The following KIF15 variants were observed in gnomAD, a reference collection of about 807,000 sequenced individuals.
KIF15 encodes the protein kinesin-like protein KIF15.
A neutral mutation model predicts 190.6 loss-of-function variants in KIF15; 140 were observed. That is an observed-to-expected ratio of 0.73 (90% CI 0.64 to 0.84). The LOEUF (loss-of-function observed/expected upper bound fraction) is 0.84, where lower values mean the gene tolerates loss of function less well. Among genes scored for constraint, KIF15 ranks in the 40% least tolerant of loss-of-function variants. The probability of loss-of-function intolerance (pLI) is 0.00; values close to 1 mark genes in which losing one functional copy is unlikely to be tolerated. For missense variants in KIF15, 1,372 were observed against 1,584.4 expected (o/e 0.87, Z 2.28); for synonymous variants, 528 against 551.3 (o/e 0.96, Z 0.59).
chr3:44,762,811 A>G (rs1361803708), intron 1 of KIF15, among the ~76,000 whole-genome samples: 1 of 152,204 alleles, frequency 6.6e-6, no homozygotes, highest in Non-Finnish European at 1.5e-5. Flanking sequence ...CTTTTTGCAT[A>G]TAAAATATTC....
At chr3:44,804,826 A>C (rs1186413549) in intron 14 of KIF15, among the ~76,000 whole-genome samples, 1 of 152,098 alleles carries the variant, frequency 6.6e-6, no homozygotes, top group African/African-American at 2.4e-5. Context: ...TGAAGTTGTA[A>C]AGCTAGGCAT....
intron 32 of KIF15, among the ~76,000 whole-genome samples, chr3:44,848,798 G>A (rs77551402): frequency 0.019 from 2,830 of 152,226 alleles, 76 homozygotes; most frequent in African/African-American, 0.063. Context: ...TTGAGGAATC[G>A]ATGGGGCTTT....
chr3:44,769,053 G>A (rs1475989103), intron 1 of KIF15, among the ~76,000 whole-genome samples: 1 of 152,120 alleles, frequency 6.6e-6, no homozygotes, highest in Non-Finnish European at 1.5e-5. Flanking sequence ...AGTCTTCGAG[G>A]TTCCCTTCCC....
chr3:44,816,520 T>C (rs567578340), intron 20 of KIF15, among the ~76,000 whole-genome samples: 4 of 152,244 alleles, frequency 2.6e-5, no homozygotes, highest in African/African-American at 9.6e-5. Flanking sequence ...GATAGTTTGC[T>C]GAGAATGATG....
intron 7 of KIF15, among the ~76,000 whole-genome samples, chr3:44,790,442 A>G (rs1324879638): frequency 1.3e-5 from 2 of 152,140 alleles, no homozygotes; most frequent in Non-Finnish European, 2.9e-5. Context: ...TATTTTCTCA[A>G]GTTCACAACA....
intron 6 of KIF15, among the ~76,000 whole-genome samples, chr3:44,859,658 C>T (rs2125737205): frequency 6.6e-6 from 1 of 152,128 alleles, no homozygotes; most frequent in Non-Finnish European, 1.5e-5. Flanking sequence ...GACCCTGTCT[C>T]AAAAAATACA....
chr3:44,805,882 T>C lies in KIF15; in HGVS notation c.1867T>C (p.Leu623=). The C allele has an allele frequency of 6.2e-7, 1 of 1,614,134 alleles. No individual in the cohort carries two copies. The highest frequency in any genetic ancestry group is 8.5e-7 in the Non-Finnish European group (1 of 1,180,008). ...AGAATTGGAATCAGAGCTTCAGTCT[T>C]TGCAAAAAGCGAACCTTAATCTTGA... The part of the protein sequence containing the change: ...QLELESELQS[L]QKANLNLENL... Residue 623 remains leucine (L), a synonymous_variant, in exon 16 of 35, where the codon TTG becomes CTG. Transcript: ENST00000326047.
At chr3:44,794,459 G>A in intron 8 of KIF15, 33 bp downstream of exon 8, 1 of 1,506,164 alleles carries the variant, frequency 6.6e-7, no homozygotes, top group Non-Finnish European at 9.0e-7. Context: ...CAACTTGTGT[G>A]TGAGTTCTTA....
intron 20 of KIF15, among the ~76,000 whole-genome samples, chr3:44,816,992 T>G (rs1414860248): frequency 6.6e-6 from 1 of 152,236 alleles, no homozygotes; most frequent in Non-Finnish European, 1.5e-5. Flanking sequence ...TGACCAGTGA[T>G]GATGAGCATT....
At chr3:44,802,060 T>C in intron 13 of KIF15, 86 bp downstream of exon 13, 1 of 889,262 alleles carries the variant, frequency 1.1e-6, no homozygotes, top group Non-Finnish European at 1.7e-6. Context: ...TGTTCTTTAA[T>C]ACAATGGAAA....
intron 14 of KIF15, among the ~76,000 whole-genome samples, chr3:44,803,875 G>A (rs1707380659): frequency 6.6e-6 from 1 of 151,844 alleles, no homozygotes. Flanking sequence ...TTTTTGAGAT[G>A]GAGTCTCACT....
intron 5 of KIF15, among the ~76,000 whole-genome samples, chr3:44,781,928 T>G (rs2125912331): frequency 6.6e-6 from 1 of 152,360 alleles, no homozygotes; most frequent in African/African-American, 2.4e-5. Context: ...GTTAGCCTTT[T>G]GTCCATGATA....
At chr3:44,821,241 T>A (rs1263400744) in intron 20 of KIF15, among the ~76,000 whole-genome samples, 1 of 132,512 alleles carries the variant, frequency 7.5e-6, no homozygotes, top group African/African-American at 2.9e-5. Flanking sequence ...ACGGGGCGGC[T>A]GGCCGGGCGG....
At chr3:44,846,126 C>G (rs944969388) in intron 30 of KIF15, among the ~76,000 whole-genome samples, 1 of 152,140 alleles carries the variant, frequency 6.6e-6, no homozygotes, top group Non-Finnish European at 1.5e-5. Context: ...ATGGCAGTGG[C>G]AGAAGGTTTT....
chr3:44,798,014 A>G (rs112800959), intron 10 of KIF15, 58 bp downstream of exon 10: 2 of 1,470,442 alleles, frequency 1.4e-6, no homozygotes, highest in African/African-American at 2.8e-5. Context: ...AGCTTACAGT[A>G]TGCCATTTTT....
At chr3:44,821,154 C>T (rs1224670406) in intron 20 of KIF15, among the ~76,000 whole-genome samples, 31 of 140,942 alleles carry the variant, frequency 2.2e-4, no homozygotes, top group Admixed American at 9.0e-4. Flanking sequence ...CCCTCCCGGA[C>T]GGGGCAGCTG....
In KIF15 at chr3:44,828,198, T is replaced by A. The variant is rs1416327518; in HGVS notation, c.2857-16T>A. ...GATTTAATTATTCTTCTAAAAATATTTCTTTTTCACCATAGATGGCAAAAG... is the reference window on the plus strand; with the variant it reads ...GATTTAATTATTCTTCTAAAAATATATCTTTTTCACCATAGATGGCAAAAG... On this transcript the variant is annotated splice_polypyrimidine_tract_variant and intron_variant, in intron 23 of 34. Transcript: ENST00000326047. The A allele has an allele frequency of 6.3e-7, 1 of 1,586,280 alleles. No individual in the cohort carries two copies. Among genetic ancestry groups the A allele is most frequent in the East Asian group, 2.2e-5 (1 of 44,724 alleles).
chr3:44,820,448 T>C (rs1302574907), intron 20 of KIF15, among the ~76,000 whole-genome samples: 1 of 152,112 alleles, frequency 6.6e-6, no homozygotes, highest in Non-Finnish European at 1.5e-5. Context: ...GGTCAGCAGA[T>C]AAACAAGTGA....
rs745894661 is a variant in KIF15 at position 44,802,822 on chromosome 3, C to T, written c.1518C>T (p.His506=). 2.9e-5 allele frequency: 46 copies of T among 1,569,148 alleles called. No homozygotes were observed. The highest frequency in any genetic ancestry group is 2.9e-5 in the Non-Finnish European group (34 of 1,164,928). Residue 506 remains histidine (H), a synonymous_variant, in exon 14 of 35, where the codon CAC becomes CAT. Transcript: ENST00000326047. ...EIQTLREQIE[H]HPRVAKYAME... is the part of the protein sequence containing the mutation. ...ATTCTTCTATGTCACAGATAGAGCACCACCCCAGAGTTGCAAAGTATGCTA... is the reference window on the plus strand; with the variant it reads ...ATTCTTCTATGTCACAGATAGAGCATCACCCCAGAGTTGCAAAGTATGCTA...
Sources: gnomAD v4.1 joint callset for allele counts (sites outside exome capture counted in the v4.1 genomes callset) on GRCh38, gnomAD v4.1.1 for gene constraint, MANE v1.5 for transcripts, NCBI Gene and HGNC (gene_info 2026-07-23, HGNC 2026-07-21) for gene names.